The following RAB11FIP2 variants were observed in gnomAD, a reference collection of about 807,000 sequenced individuals.
The protein encoded by RAB11FIP2 is RAB11 family interacting protein 2.
Under a neutral mutation model 40.9 loss-of-function variants are expected in RAB11FIP2, and 16 were observed. That is an observed-to-expected ratio of 0.39 (90% confidence interval 0.26 to 0.59). RAB11FIP2 has a LOEUF of 0.59. Among genes scored for constraint, RAB11FIP2 ranks in the 20% least tolerant of loss-of-function variants. The pLI, the probability that RAB11FIP2 is intolerant of heterozygous loss-of-function variation, is 0.53. For missense variants in RAB11FIP2, 532 were observed against 606.2 expected (o/e 0.88, Z 1.28); for synonymous variants, 228 against 213.7 (o/e 1.07, Z -0.58).
At chr10:118,030,269 A>G (rs1846396998) in intron 3 of RAB11FIP2, among the ~76,000 whole-genome samples, 1 of 152,150 alleles carries the variant, frequency 6.6e-6, no homozygotes, top group African/African-American at 2.4e-5. Flanking sequence ...GCTGATTTAC[A>G]ATAGTCAGTG....
intron 2 of RAB11FIP2, 114 bp from the exon 3 acceptor site, chr10:118,039,554 G>T: frequency 1.2e-6 from 1 of 866,394 alleles, no homozygotes; most frequent in Non-Finnish European, 1.7e-6. Context: ...CCACTTAAAT[G>T]TATTAACCTT....
chr10:118,039,627 TAAC>T (rs1846528412), intron 2 of RAB11FIP2, 187 bp from the exon 3 acceptor site: 2 of 596,682 alleles, frequency 3.4e-6, no homozygotes, highest in East Asian at 2.8e-5. Context: ...TCGAGGCTGA[TAAC>T]AACTAGCATA....
intron 3 of RAB11FIP2, among the ~76,000 whole-genome samples, chr10:118,034,904 G>A (rs1846462910): frequency 6.6e-6 from 1 of 152,124 alleles, no homozygotes; most frequent in Admixed American, 6.5e-5. Context: ...ACACAATATT[G>A]TAAGCTCACT....
intron 3 of RAB11FIP2, among the ~76,000 whole-genome samples, chr10:118,019,459 C>A (rs981063193): frequency 1.3e-5 from 2 of 152,122 alleles, no homozygotes; most frequent in Admixed American, 1.3e-4. Context: ...CAAATTATCA[C>A]AGAAGAACTG....
chr10:118,040,163 G>C lies in RAB11FIP2; in HGVS notation c.756C>G (p.Leu252=). ...KAGTIGQTHL[L]GHQLDSFGTV... is the part of the protein sequence containing the mutation. Reference sequence around the variant, plus strand: ...TTCCAAAGGAATCTAACTGGTGTCCGAGAAGATGTGTTTGACCTATGGTGC... The same window carrying C: ...TTCCAAAGGAATCTAACTGGTGTCCCAGAAGATGTGTTTGACCTATGGTGC... The change falls in exon 2 of 5, where the codon CTC becomes CTG. Residue 252 remains leucine, a synonymous_variant. Coordinates refer to ENST00000355624, the MANE Select transcript of RAB11FIP2 (RefSeq NM_014904.3). 1 of 1,613,728 alleles carries C rather than the reference G, an allele frequency of 6.2e-7. No homozygotes were observed. The highest frequency in any genetic ancestry group is 8.5e-7 in the Non-Finnish European group (1 of 1,179,730).
At position 118,037,574 on chromosome 10, in the gene RAB11FIP2, C is replaced by T. The variant is rs548914164; in HGVS notation, c.1265+1398G>A. Among the ~76,000 whole-genome samples the T allele has an allele frequency of 7.2e-5, 11 of 152,064 alleles. No individual in the cohort carries two copies. In the South Asian group the frequency reaches 1.9e-3, roughly 26 times the overall value. On this transcript the variant is annotated intron_variant, in intron 3 of 4. Transcript: ENST00000355624. ...CCATTTATGGATTCCCTATTTGGGGCCTGGCTTTGTATTATGTACTTTCAT... is the reference window on the plus strand; with the variant it reads ...CCATTTATGGATTCCCTATTTGGGGTCTGGCTTTGTATTATGTACTTTCAT...
intron 3 of RAB11FIP2, among the ~76,000 whole-genome samples, chr10:118,025,435 A>T (rs1441409597): frequency 6.6e-6 from 1 of 152,244 alleles, no homozygotes; most frequent in Non-Finnish European, 1.5e-5. Flanking sequence ...TTACATCATT[A>T]AAATGTTTCA....
rs1417349074 is a variant in RAB11FIP2, at chr10:118,045,858, T to C, written c.306A>G (p.Ala102=). ...CCTCAAAGATGTCATTGAGATTGAT[T>C]GCCACCTGCCCTAAAAATTTATCCA... ...VGLDKFLGQV[A]INLNDIFEDK... Residue 102 remains alanine (A), a synonymous_variant, in exon 1 of 5, where the codon GCA becomes GCG. Transcript: ENST00000355624. The C allele has an allele frequency of 6.2e-7, 1 of 1,613,792 alleles. No homozygotes were observed. Among genetic ancestry groups the C allele is most frequent in the Non-Finnish European group, 8.5e-7 (1 of 1,179,844 alleles).
chr10:118,039,697 A>G, intron 2 of RAB11FIP2: 2 of 427,032 alleles, frequency 4.7e-6, no homozygotes, highest in Non-Finnish European at 8.3e-6. Context: ...TGATGTCAAA[A>G]CTAGAGGTTC....
chr10:118,039,553 T>C, intron 2 of RAB11FIP2, 113 bp from the exon 3 acceptor site: 2 of 868,056 alleles, frequency 2.3e-6, no homozygotes, highest in Middle Eastern at 3.4e-4. Flanking sequence ...GCCACTTAAA[T>C]GTATTAACCT....
At chr10:118,031,035 G>T (rs944288594) in intron 3 of RAB11FIP2, among the ~76,000 whole-genome samples, 1 of 152,040 alleles carries the variant, frequency 6.6e-6, no homozygotes, top group Non-Finnish European at 1.5e-5. Context: ...GGATTAATGG[G>T]TCTAAAAATC....
At chr10:118,025,553 T>C (rs1846332632) in intron 3 of RAB11FIP2, among the ~76,000 whole-genome samples, 1 of 152,242 alleles carries the variant, frequency 6.6e-6, no homozygotes. Context: ...ATAACAGCAA[T>C]GGCACTGTTC....
chr10:118,018,844 C>T (rs1010273638), intron 3 of RAB11FIP2, among the ~76,000 whole-genome samples: 1 of 151,820 alleles, frequency 6.6e-6, no homozygotes, highest in Non-Finnish European at 1.5e-5. Context: ...ATCATTAGAG[C>T]AAAAAAACTG....
chr10:118,019,686 C>T (rs1225925764), intron 3 of RAB11FIP2, among the ~76,000 whole-genome samples: 4 of 152,020 alleles, frequency 2.6e-5, no homozygotes, highest in African/African-American at 7.2e-5. Flanking sequence ...ATTAGCCGGG[C>T]GTGGTGGCAG....
intron 3 of RAB11FIP2, among the ~76,000 whole-genome samples, chr10:118,031,615 G>A (rs1846414999): frequency 6.6e-6 from 1 of 152,068 alleles, no homozygotes; most frequent in African/African-American, 2.4e-5. Context: ...ACACTGCCAT[G>A]AAAAATCACT....
chr10:118,029,607 T>C (rs1293092419), intron 3 of RAB11FIP2, among the ~76,000 whole-genome samples: 1 of 152,120 alleles, frequency 6.6e-6, no homozygotes, highest in African/African-American at 2.4e-5. Context: ...ACAGCAAATA[T>C]TCCAAAAATA....
chr10:118,032,326 C>T (rs577536996), intron 3 of RAB11FIP2, among the ~76,000 whole-genome samples: 1 of 151,940 alleles, frequency 6.6e-6, no homozygotes, highest in Non-Finnish European at 1.5e-5. Context: ...TTCATAGATG[C>T]CATAAATATT....
intron 3 of RAB11FIP2, among the ~76,000 whole-genome samples, chr10:118,025,871 T>C (rs912893809): frequency 6.6e-6 from 1 of 152,336 alleles, no homozygotes; most frequent in Middle Eastern, 3.4e-3. Flanking sequence ...CCTAACCTTA[T>C]CCATCTAATC....
chr10:118,016,031 T>C (rs139435290), intron 3 of RAB11FIP2, among the ~76,000 whole-genome samples: 3 of 152,348 alleles, frequency 2.0e-5, no homozygotes, highest in African/African-American at 7.2e-5. Context: ...CTTTTAAAAC[T>C]TTTGATTGTG....
Sources: allele counts gnomAD v4.1 joint callset (sites outside exome capture counted in the v4.1 genomes callset), GRCh38; gene constraint gnomAD v4.1.1; transcripts MANE v1.5; gene names NCBI Gene and HGNC (gene_info 2026-07-23, HGNC 2026-07-21).